SIPA1L3: variants seen among roughly 807,000 people sequenced by gnomAD.
SIPA1L3 encodes the protein signal induced proliferation associated 1 like 3.
Under a neutral mutation model 150.1 loss-of-function variants are expected in SIPA1L3, and 59 were observed. The ratio of observed to expected loss-of-function variants is 0.39; its 90% confidence interval spans 0.32 to 0.49. The LOEUF (loss-of-function observed/expected upper bound fraction) is 0.49, where lower values mean the gene tolerates loss of function less well. SIPA1L3 is among the 20% of genes least tolerant of loss of function. The pLI is 0.86. For missense variants in SIPA1L3, 2,211 were observed against 2,489.5 expected, an observed-to-expected ratio of 0.89 and a Z score of 2.38; for synonymous variants, 1,070 against 1,077.6, an observed-to-expected ratio of 0.99 and a Z score of 0.14.
chr19:38,075,311 C>G (rs1969814236), intron 2 of SIPA1L3, among the ~76,000 whole-genome samples: 2 of 152,116 alleles, frequency 1.3e-5, no homozygotes, highest in Non-Finnish European at 2.9e-5. Context: ...ACAAAATTAG[C>G]TGGGCGTGGT....
intron 1 of SIPA1L3, among the ~76,000 whole-genome samples, chr19:38,001,927 G>A (rs975325274): frequency 2.6e-5 from 4 of 152,116 alleles, no homozygotes; most frequent in Non-Finnish European, 4.4e-5. Flanking sequence ...AGTATGAACA[G>A]TTTTTATTTG....
intron 1 of SIPA1L3, among the ~76,000 whole-genome samples, chr19:38,007,411 C>T (rs1967973315): frequency 6.8e-6 from 1 of 147,440 alleles, no homozygotes; most frequent in African/African-American, 2.5e-5. Context: ...CGAGATCACG[C>T]CATTGCACTC....
chr19:37,971,064 T>C (rs572039449), intron 1 of SIPA1L3, among the ~76,000 whole-genome samples: 26 of 152,240 alleles, frequency 1.7e-4, no homozygotes, highest in Admixed American at 5.9e-4. Flanking sequence ...TTTTTTGAGA[T>C]ATAATTTATG....
chr19:37,928,169 A>G (rs2046523295), intron 1 of SIPA1L3, among the ~76,000 whole-genome samples: 1 of 152,114 alleles, frequency 6.6e-6, no homozygotes. Context: ...GCTAATTTAC[A>G]TTCCCACCAA....
intron 1 of SIPA1L3, among the ~76,000 whole-genome samples, chr19:37,921,679 C>T (rs1466878410): frequency 6.6e-6 from 1 of 151,920 alleles, no homozygotes; most frequent in Non-Finnish European, 1.5e-5. Context: ...CAACTCACCG[C>T]AACCTCGAAC....
intron 15 of SIPA1L3, among the ~76,000 whole-genome samples, chr19:38,181,143 A>G (rs1427512701): frequency 1.3e-5 from 2 of 152,158 alleles, no homozygotes; most frequent in Non-Finnish European, 2.9e-5. Flanking sequence ...GTTCTTCCCT[A>G]AAGTTCAGTT....
At position 38,142,656 on chromosome 19, in the gene SIPA1L3, G is replaced by T; in HGVS notation, c.3479G>T (p.Ser1160Ile). The part of the protein sequence containing the change: ...RVPPYRQPSG[S>I]FSTPGSATYV... ...CCTCCCTACCGACAGCCTTCTGGGA[G>T]CTTCTCCACCCCCGGTTCGGCCACC... is the stretch of plus-strand genomic sequence containing the variant. Residue 1160 changes from serine to isoleucine, a missense_variant, in exon 12 of 22, where the codon AGC (serine) becomes ATC (isoleucine). Ser to Ile is a moderately radical substitution (Grantham distance 142, BLOSUM62 -2). Transcript: ENST00000222345. 1.2e-6 allele frequency: 2 copies of T among 1,614,088 alleles called. No homozygotes were observed. The highest frequency in any genetic ancestry group is 1.7e-6 in the Non-Finnish European group (2 of 1,179,974).
At chr19:38,121,678 G>C (rs538728116) in intron 9 of SIPA1L3, among the ~76,000 whole-genome samples, 1 of 152,180 alleles carries the variant, frequency 6.6e-6, no homozygotes, top group African/African-American at 2.4e-5. Context: ...GGCGGAGGTT[G>C]CAGTGAGCCG....
At chr19:38,017,245 C>G (rs2145693223) in intron 1 of SIPA1L3, among the ~76,000 whole-genome samples, 1 of 152,292 alleles carries the variant, frequency 6.6e-6, no homozygotes, top group South Asian at 2.1e-4. Flanking sequence ...AGAAATAGAG[C>G]AGTGACTTTG....
intron 1 of SIPA1L3, among the ~76,000 whole-genome samples, chr19:37,949,058 T>C (rs374932637): frequency 1.3e-5 from 2 of 152,282 alleles, no homozygotes; most frequent in Admixed American, 6.5e-5. Context: ...AAACCCACCT[T>C]AGACCCACCT....
intron 15 of SIPA1L3, among the ~76,000 whole-genome samples, chr19:38,175,291 C>G (rs1568592873): frequency 6.6e-6 from 1 of 152,094 alleles, no homozygotes; most frequent in Non-Finnish European, 1.5e-5. Flanking sequence ...TGCCACTGCT[C>G]CTCCTGGAGG....
chr19:38,007,340 C>G (rs771576914), intron 1 of SIPA1L3, among the ~76,000 whole-genome samples: 2 of 151,680 alleles, frequency 1.3e-5, no homozygotes, highest in Non-Finnish European at 2.9e-5. Context: ...GTAATCCCAG[C>G]TACTCTGGAG....
chr19:38,196,479 G>C (rs936537498), intron 18 of SIPA1L3, among the ~76,000 whole-genome samples: 1 of 142,210 alleles, frequency 7.0e-6, no homozygotes, highest in African/African-American at 2.6e-5. Flanking sequence ...CAAGGGCAGA[G>C]TGTGGATGTC....
At chr19:38,065,987 C>CTTAT (rs56249728) in intron 2 of SIPA1L3, among the ~76,000 whole-genome samples, 22,213 of 121,118 alleles carry the variant, frequency 0.18, 2,670 homozygotes, top group Admixed American at 0.2. Flanking sequence ...GGCTTGATCT[C>CTTAT]TTATTTATTT....
At chr19:38,079,108 G>A (rs1471867756) in intron 2 of SIPA1L3, among the ~76,000 whole-genome samples, 4 of 152,292 alleles carry the variant, frequency 2.6e-5, no homozygotes, top group South Asian at 2.1e-4. Flanking sequence ...CAAGGCAGGC[G>A]GATCATGAGG....
At chr19:38,134,445 A>T (rs560336289) in intron 10 of SIPA1L3, among the ~76,000 whole-genome samples, 9 of 141,490 alleles carry the variant, frequency 6.4e-5, no homozygotes, top group African/African-American at 2.4e-4. Flanking sequence ...TTGGTGGCTC[A>T]TGCCTGTAAT....
chr19:38,106,698 T>A, intron 7 of SIPA1L3, 58 bp downstream of exon 7: 1 of 1,168,448 alleles, frequency 8.6e-7, no homozygotes, highest in Non-Finnish European at 1.3e-6. Flanking sequence ...CCCACCAGCA[T>A]TGGCCCTCCC....
chr19:37,941,571 G>T (rs1292939347), intron 1 of SIPA1L3, among the ~76,000 whole-genome samples: 2 of 151,224 alleles, frequency 1.3e-5, no homozygotes, highest in Admixed American at 1.3e-4. Context: ...CCAATAAACA[G>T]ATGAACCAGT....
intron 2 of SIPA1L3, among the ~76,000 whole-genome samples, chr19:38,064,418 C>G: frequency 6.6e-6 from 1 of 152,302 alleles, no homozygotes; most frequent in African/African-American, 2.4e-5. Context: ...AAATGAAGGC[C>G]GGGCACAGTG....
Sources: gnomAD v4.1 joint callset for allele counts (sites outside exome capture counted in the v4.1 genomes callset) on GRCh38, gnomAD v4.1.1 for gene constraint, MANE v1.5 for transcripts, NCBI Gene and HGNC (gene_info 2026-07-23, HGNC 2026-07-21) for gene names.